Variants in DGKB observed in about 807,000 individuals in gnomAD.
DGKB encodes the protein diacylglycerol kinase beta, also known as 90 kDa diacylglycerol kinase.
A neutral mutation model predicts 114.3 loss-of-function variants in DGKB; 67 were observed. The observed-to-expected ratio is 0.59, with a 90% CI of 0.48 to 0.72. The LOEUF is 0.72. Among genes scored for constraint, DGKB ranks in the 30% least tolerant of loss-of-function variants. The pLI, the probability that DGKB is intolerant of heterozygous loss-of-function variation, is 0.00. For missense variants in DGKB, 907 were observed against 975.2 expected, an observed-to-expected ratio of 0.93 and a Z score of 0.93; for synonymous variants, 398 against 323.1, an observed-to-expected ratio of 1.23 and a Z score of -2.49.
At chr7:14,782,443 TC>T (rs1309614379) in intron 2 of DGKB, among the ~76,000 whole-genome samples, 1 of 152,228 alleles carries the variant, frequency 6.6e-6, no homozygotes, top group Non-Finnish European at 1.5e-5. Context: ...ACTGGGTATA[TC>T]TCATTTGTGA....
At chr7:14,313,752 T>G (rs6977946) in intron 23 of DGKB, among the ~76,000 whole-genome samples, 7,860 of 151,746 alleles carry the variant, frequency 0.052, 470 homozygotes, top group African/African-American at 0.15. Flanking sequence ...CAAAGCAGCC[T>G]GGAAGCTCCA....
intron 20 of DGKB, among the ~76,000 whole-genome samples, chr7:14,503,086 T>A (rs1294840884): frequency 1.3e-5 from 2 of 152,122 alleles, no homozygotes; most frequent in African/African-American, 4.8e-5. Flanking sequence ...AGAATCTAAT[T>A]TCTGTAAAAT....
chr7:14,546,456 G>T (rs1472203301), intron 20 of DGKB, among the ~76,000 whole-genome samples: 3 of 152,154 alleles, frequency 2.0e-5, no homozygotes, highest in Non-Finnish European at 4.4e-5. Context: ...TACATGCAGG[G>T]CTGGCTTCAT....
rs145664365 is a variant in DGKB, at chr7:14,937,897, T to G, written c.-188+36799A>C. 4.7e-3 allele frequency among the ~76,000 whole-genome samples: 717 copies of G among 152,332 alleles called. 2 individuals carry two copies. Among genetic ancestry groups the G allele is most frequent in the Non-Finnish European group, 6.8e-3 (463 of 68,032 alleles). ...TCCTCTTCTTTAATGATTTTCTTAA[T>G]AACATTTTCTCTTCTCTAGCTTACT... On this transcript the variant is annotated intron_variant, in intron 1 of 4. Transcript: ENST00000437998.
chr7:14,200,284 T>G (rs910175688), intron 23 of DGKB, among the ~76,000 whole-genome samples: 6 of 152,028 alleles, frequency 3.9e-5, no homozygotes, highest in Admixed American at 1.3e-4. Flanking sequence ...ATCAAAAAAT[T>G]ACATGGTGTG....
chr7:14,630,152 C>A, intron 14 of DGKB, 84 bp downstream of exon 14: 1 of 835,100 alleles, frequency 1.2e-6, no homozygotes, highest in Non-Finnish European at 1.8e-6. Flanking sequence ...TGTCACTGAG[C>A]CAGCACAAAA....
intron 17 of DGKB, 49 bp downstream of exon 17, chr7:14,607,385 T>C: frequency 1.1e-6 from 1 of 919,030 alleles, no homozygotes; most frequent in Non-Finnish European, 1.8e-6. Flanking sequence ...CTTATTTAAT[T>C]AATTAACATT....
At chr7:14,949,417 A>T (rs190118376) in intron 1 of DGKB, among the ~76,000 whole-genome samples, 52 of 152,108 alleles carry the variant, frequency 3.4e-4, no homozygotes, top group African/African-American at 1.2e-3. Context: ...AAAATTACAC[A>T]CATCATATAG....
intron 21 of DGKB, among the ~76,000 whole-genome samples, chr7:14,449,625 A>G (rs1831190979): frequency 6.6e-6 from 1 of 152,054 alleles, no homozygotes; most frequent in Admixed American, 6.6e-5. Flanking sequence ...TAATATCTGC[A>G]TTCACTTTCC....
intron 23 of DGKB, among the ~76,000 whole-genome samples, chr7:14,221,702 T>C (rs1444350337): frequency 2.0e-5 from 3 of 151,452 alleles, no homozygotes; most frequent in Non-Finnish European, 4.4e-5. Flanking sequence ...GGAGTATTTC[T>C]CCTCATTTTT....
chr7:14,643,926 C>A (rs1349549205), intron 13 of DGKB, among the ~76,000 whole-genome samples: 1 of 152,164 alleles, frequency 6.6e-6, no homozygotes, highest in Non-Finnish European at 1.5e-5. Context: ...CCTTTGCACA[C>A]CATTTAGGAG....
chr7:14,972,496 T>C (rs983962427), intron 1 of DGKB, among the ~76,000 whole-genome samples: 4 of 152,134 alleles, frequency 2.6e-5, no homozygotes, highest in African/African-American at 9.7e-5. Context: ...CTTTCTGTCT[T>C]GCTATAAAAT....
Position 14,718,540 on chromosome 7 carries a change from A to G in DGKB, c.466+2T>C. The G allele has an allele frequency of 3.7e-6, 6 of 1,606,294 alleles. No homozygotes were observed. Among genetic ancestry groups the G allele is most frequent in the Non-Finnish European group, 5.1e-6 (6 of 1,177,530 alleles). ...AAGTAAACAAAATGAAGAAACACAT[A>G]CACTCAAGCTTATCCTCAGGTCTTC... On this transcript the variant is annotated splice_donor_variant, in intron 6 of 25. Transcript: ENST00000402815. LOFTEE classifies it high-confidence loss of function.
At chr7:14,529,381 C>T (rs901596176) in intron 20 of DGKB, among the ~76,000 whole-genome samples, 4 of 151,660 alleles carry the variant, frequency 2.6e-5, no homozygotes, top group African/African-American at 4.8e-5. Flanking sequence ...AAATGAGTAA[C>T]CTTTAATCTT....
chr7:14,802,174 G>A (rs1437821815), intron 2 of DGKB, among the ~76,000 whole-genome samples: 1 of 151,902 alleles, frequency 6.6e-6, no homozygotes. Context: ...AAACTATAAA[G>A]ATAATTTTAA....
chr7:14,543,424 G>A (rs1423932812), intron 20 of DGKB, among the ~76,000 whole-genome samples: 1 of 151,682 alleles, frequency 6.6e-6, no homozygotes, highest in East Asian at 1.9e-4. Context: ...CAGCGTGGAC[G>A]ACAGAGTGAC....
At chr7:14,218,638 G>T (rs959274677) in intron 23 of DGKB, among the ~76,000 whole-genome samples, 11 of 152,024 alleles carry the variant, frequency 7.2e-5, no homozygotes, top group African/African-American at 2.7e-4. Context: ...AGGGGAAGCT[G>T]ATCATACTTT....
intron 4 of DGKB, 71 bp downstream of exon 4, chr7:14,753,857 T>C: frequency 3.1e-6 from 3 of 963,050 alleles, no homozygotes; most frequent in Non-Finnish European, 4.9e-6. Context: ...GTGATATGGA[T>C]GAGAAATTCA....
chr7:14,370,007 G>A (rs986319151), intron 21 of DGKB, among the ~76,000 whole-genome samples: 14 of 152,070 alleles, frequency 9.2e-5, no homozygotes, highest in Admixed American at 6.6e-4. Flanking sequence ...TGTTTTAGTC[G>A]TGAAGGCTTT....
Sources: allele counts gnomAD v4.1 joint callset (sites outside exome capture counted in the v4.1 genomes callset), GRCh38; gene constraint gnomAD v4.1.1; transcripts MANE v1.5; gene names NCBI Gene and HGNC (gene_info 2026-07-23, HGNC 2026-07-21).